NDP: variants seen among roughly 807,000 people sequenced by gnomAD.
NDP encodes norrin.
Under a neutral mutation model 8.4 loss-of-function variants are expected in NDP, and 2 were observed. That is an observed-to-expected ratio of 0.24 (90% CI 0.10 to 0.75). The LOEUF (loss-of-function observed/expected upper bound fraction) is 0.75. Among genes scored for constraint, NDP ranks in the 30% least tolerant of loss-of-function variants. The probability of loss-of-function intolerance (pLI) is 0.73; values close to 1 mark genes in which losing one functional copy is unlikely to be tolerated. For missense variants in NDP, 81 were observed against 110.1 expected (o/e 0.74, Z 1.18); for synonymous variants, 55 against 45.6 (o/e 1.21, Z -0.83).
In NDP at chrX:43,958,654, G is replaced by C. The variant is rs1441288269; in HGVS notation, c.-9C>G. 1.7e-6 allele frequency: 2 copies of C among 1,208,390 alleles called. No homozygotes were observed. The highest frequency in any genetic ancestry group is 2.2e-6 in the Non-Finnish European group (2 of 892,531). On this transcript the variant is annotated 5_prime_UTR_variant, in exon 2 of 3. Coordinates refer to ENST00000642620, the MANE Select transcript of NDP (RefSeq NM_000266.4). Reference sequence around the variant, plus strand: ...AGTACATGTTTTCTCATTGTTGTAAGGAAAAACTTCTCTAGAAGAACAGCA... The same window carrying C: ...AGTACATGTTTTCTCATTGTTGTAACGAAAAACTTCTCTAGAAGAACAGCA...
Position 43,949,752 on chromosome X carries a change from C to T in NDP, c.*47G>A, listed in dbSNP as rs2035749138. 3 of 1,117,393 alleles carry T rather than the reference C, an allele frequency of 2.7e-6. No homozygotes were observed. In the East Asian group the frequency reaches 9.8e-5, roughly 37 times the overall value. The allele number at this position is 1,117,393 out of a possible 1,213,427, so 92.1% of individuals were successfully genotyped here. A position where few individuals can be genotyped will look rare whatever the true frequency, so the allele number is the denominator to read the frequency against. On this transcript the variant is annotated 3_prime_UTR_variant, in exon 3 of 3. Transcript: ENST00000642620. The stretch of plus-strand genomic sequence containing the variant: ...GCCAGTCTTTCCCTGGCTGGTCGAA[C>T]TGCCTCTACAGTTGTCCCATCCAGA...
chrX:43,964,003 T>C (rs914621128), intron 1 of NDP, among the ~76,000 whole-genome samples: 17 of 111,782 alleles, frequency 1.5e-4, no homozygotes, highest in African/African-American at 5.5e-4. Flanking sequence ...AAAAGGTCAG[T>C]GGGGAGGAAG....
rs1048122847 is a variant in NDP at position 43,951,788 on chromosome X, G to GA, written c.175-1763dup. 3.2e-3 allele frequency among the ~76,000 whole-genome samples: 337 copies of GA among 106,199 alleles called. 2 individuals are homozygous for GA. Among genetic ancestry groups the GA allele is most frequent in the Middle Eastern group, 5.0e-3 (1 of 201 alleles). The allele number at this position is 106,199 out of a possible 115,157, so 92.2% of individuals were successfully genotyped here. A position where few individuals can be genotyped will look rare whatever the true frequency, so the allele number is the denominator to read the frequency against. ...ACCACCAAGGCAATATGAAATACTAGAAAAAAAAAACAGCAGGGCTTAGGG... is the reference window on the plus strand; with the variant it reads ...ACCACCAAGGCAATATGAAATACTAGAAAAAAAAAAACAGCAGGGCTTAGGG... On this transcript the variant is annotated intron_variant, in intron 2 of 2. Coordinates refer to ENST00000642620, the MANE Select transcript of NDP (RefSeq NM_000266.4).
chrX:43,953,127 AACACACACAC>A (rs58114928), intron 2 of NDP, among the ~76,000 whole-genome samples: 12 of 98,244 alleles, frequency 1.2e-4, no homozygotes, highest in Admixed American at 1.1e-3. Flanking sequence ...TGATGTTCTC[AACACACACAC>A]ACACACACAC....
chrX:43,958,746 A>C lies in NDP; in HGVS notation c.-101T>G. 2.7e-6 allele frequency: 2 copies of C among 739,933 alleles called. No individual in the cohort carries two copies. Among genetic ancestry groups the C allele is most frequent in the Non-Finnish European group, 4.2e-6 (2 of 481,794 alleles). The allele number at this position is 739,933 out of a possible 1,213,427, so 61.0% of individuals were successfully genotyped here. A position where few individuals can be genotyped will look rare whatever the true frequency, so the allele number is the denominator to read the frequency against. On this transcript the variant is annotated 5_prime_UTR_variant, in exon 2 of 3. Coordinates refer to ENST00000642620, the MANE Select transcript of NDP (RefSeq NM_000266.4). ...CTAGGATCCAGTCCCGTTCAAGGAA[A>C]GGGCAGGATCGGGCTGAAGCTTTCT...
At position 43,949,373 on chromosome X, in the gene NDP, AC is replaced by A. The variant is rs376833865; in HGVS notation, c.*425del. On this transcript the variant is annotated 3_prime_UTR_variant, in exon 3 of 3. Coordinates refer to ENST00000642620, the MANE Select transcript of NDP (RefSeq NM_000266.4). ...GACCAAAATGACAAGGTAAAAAAAA[AC>A]ATCAACAATAACAGAAGATGTCCCA... 1.5e-3 allele frequency: 244 copies of A among 162,794 alleles called. No homozygotes were observed. Among genetic ancestry groups the A allele is most frequent in the African/African-American group, 7.1e-3 (233 of 32,697 alleles). 13.4% of individuals were successfully genotyped at this position (162,794 alleles called of 1,213,427 possible). A position where few individuals can be genotyped will look rare whatever the true frequency, so the allele number is the denominator to read the frequency against.
chrX:43,972,524 C>A (rs2035896430), intron 1 of NDP, among the ~76,000 whole-genome samples: 1 of 111,456 alleles, frequency 9.0e-6, no homozygotes, highest in South Asian at 3.8e-4. Flanking sequence ...CATCCTTTCC[C>A]GGTCACTCCT....
At chrX:43,955,591 G>A (rs969691706) in intron 2 of NDP, among the ~76,000 whole-genome samples, 5 of 112,561 alleles carry the variant, frequency 4.4e-5, no homozygotes, top group South Asian at 7.4e-4. Context: ...CCAAATTTTA[G>A]AGAAACTTAG....
At chrX:43,965,418 C>CA (rs1395379877) in intron 1 of NDP, among the ~76,000 whole-genome samples, 1 of 109,491 alleles carries the variant, frequency 9.1e-6, no homozygotes, top group East Asian at 2.9e-4. Flanking sequence ...GACCCTGTCT[C>CA]AAAAAAACAA....
chrX:43,954,837 G>A (rs2238973), intron 2 of NDP, among the ~76,000 whole-genome samples: 53,619 of 109,499 alleles, frequency 0.49, 9,824 homozygotes, highest in African/African-American at 0.63. Context: ...GGCCCTTACC[G>A]GTTCAGATAG....
chrX:43,970,696 G>A (rs1330677410), intron 1 of NDP, among the ~76,000 whole-genome samples: 2 of 111,151 alleles, frequency 1.8e-5, no homozygotes, highest in African/African-American at 3.3e-5. Context: ...TACTGGGGGT[G>A]GGACAAGTAA....
At chrX:43,955,648 G>A (rs1342375718) in intron 2 of NDP, among the ~76,000 whole-genome samples, 1 of 112,346 alleles carries the variant, frequency 8.9e-6, no homozygotes, top group African/African-American at 3.2e-5. Flanking sequence ...AGGATCTTTT[G>A]TACCCAAACC....
chrX:43,958,402 CT>C, intron 2 of NDP, 69 bp downstream of exon 2: 1 of 1,144,510 alleles, frequency 8.7e-7, no homozygotes, highest in Non-Finnish European at 1.2e-6. Context: ...TCTCCATCCC[CT>C]GACAAAGAAA....
At chrX:43,964,059 C>G (rs753845090) in intron 1 of NDP, among the ~76,000 whole-genome samples, 5 of 111,771 alleles carry the variant, frequency 4.5e-5, no homozygotes, top group South Asian at 7.5e-4. Context: ...TTTCATGTGT[C>G]TAATCCAGTG....
At chrX:43,953,083 G>T (rs980502270) in intron 2 of NDP, among the ~76,000 whole-genome samples, 7 of 107,137 alleles carry the variant, frequency 6.5e-5, no homozygotes, top group African/African-American at 2.5e-4. Context: ...GCTCTTTCCT[G>T]GAAGAAAAGA....
intron 1 of NDP, among the ~76,000 whole-genome samples, chrX:43,964,287 GAGGAATATGGCC>G (rs1186082138): frequency 9.0e-6 from 1 of 111,534 alleles, no homozygotes; most frequent in Non-Finnish European, 1.9e-5. Flanking sequence ...AAAAAGGATG[GAGGAATATGGCC>G]AGGGAAAGAG....
intron 1 of NDP, among the ~76,000 whole-genome samples, chrX:43,964,813 C>G (rs917565659): frequency 2.7e-5 from 3 of 111,867 alleles, no homozygotes; most frequent in African/African-American, 9.8e-5. Context: ...GGTCTAAATG[C>G]TTTTATGTGT....
intron 1 of NDP, among the ~76,000 whole-genome samples, chrX:43,965,781 T>C (rs1210497557): frequency 8.9e-6 from 1 of 112,065 alleles, no homozygotes; most frequent in East Asian, 2.8e-4. Flanking sequence ...TTGTCTTCTC[T>C]GCAAGTAGAA....
intron 1 of NDP, among the ~76,000 whole-genome samples, chrX:43,963,727 C>G (rs1481758295): frequency 8.9e-6 from 1 of 112,377 alleles, no homozygotes; most frequent in Non-Finnish European, 1.9e-5. Context: ...TCAAAGGATT[C>G]CAATTGGATC....
Sources: gnomAD v4.1 joint callset for allele counts (sites outside exome capture counted in the v4.1 genomes callset) on GRCh38, gnomAD v4.1.1 for gene constraint, MANE v1.5 for transcripts, NCBI Gene and HGNC (gene_info 2026-07-23, HGNC 2026-07-21) for gene names.